Variants in GRB10 observed in about 807,000 individuals in gnomAD.
GRB10 encodes growth factor receptor bound protein 10.
Under a neutral mutation model 80.9 loss-of-function variants are expected in GRB10, and 20 were observed. The ratio of observed to expected loss-of-function variants is 0.25; its 90% CI spans 0.17 to 0.36. GRB10 has a LOEUF of 0.36. Among genes scored for constraint, GRB10 ranks in the 10% least tolerant of loss-of-function variants. The pLI is 1.00. For synonymous variants in GRB10, 291 were observed against 291.5 expected (o/e 1.00, Z 0.02); for missense variants, 548 against 747.7 (o/e 0.73, Z 3.12).
intron 18 of GRB10, 63 bp from the exon 19 acceptor site, chr7:50,593,161 C>A (rs967671837): frequency 8.2e-6 from 13 of 1,583,740 alleles, no homozygotes; most frequent in Admixed American, 6.7e-5. Context: ...AGAACGGGGC[C>A]CACGGCCAGC....
At chr7:50,643,570 AAACCTGAACGAGGTCTGT>A (rs1399211952) in intron 7 of GRB10, among the ~76,000 whole-genome samples, 1 of 152,246 alleles carries the variant, frequency 6.6e-6, no homozygotes, top group Non-Finnish European at 1.5e-5. Context: ...ACAATCGGGG[AAACCTGAACGAGGTCTGT>A]AGATTTCAAC....
chr7:50,670,993 A>AAC (rs373067965), intron 6 of GRB10, among the ~76,000 whole-genome samples: 75 of 152,296 alleles, frequency 4.9e-4, no homozygotes, highest in South Asian at 2.5e-3. Context: ...ACAACTATGC[A>AAC]ACACACACAC....
At chr7:50,687,595 C>T (rs954939464) in intron 5 of GRB10, among the ~76,000 whole-genome samples, 3 of 152,302 alleles carry the variant, frequency 2.0e-5, no homozygotes, top group Non-Finnish European at 2.9e-5. Flanking sequence ...CATGCATCTG[C>T]GGATCCTGCC....
At chr7:50,660,148 A>T (rs1445651965) in intron 7 of GRB10, among the ~76,000 whole-genome samples, 1 of 152,104 alleles carries the variant, frequency 6.6e-6, no homozygotes, top group African/African-American at 2.4e-5. Context: ...GTAAAGGGGC[A>T]TGGGGGCACA....
At chr7:50,665,879 C>T (rs12538241) in intron 7 of GRB10, among the ~76,000 whole-genome samples, 1 of 152,192 alleles carries the variant, frequency 6.6e-6, no homozygotes, top group African/African-American at 2.4e-5. Context: ...ACGTCTCCCC[C>T]ACAGCTGGAG....
intron 2 of GRB10, among the ~76,000 whole-genome samples, chr7:50,767,434 C>T (rs537847513): frequency 6.6e-5 from 10 of 152,266 alleles, no homozygotes; most frequent in South Asian, 4.1e-4. Context: ...CATCCTGGTA[C>T]GGCCTCTTGT....
At chr7:50,671,277 C>T (rs2060324868) in intron 6 of GRB10, among the ~76,000 whole-genome samples, 2 of 152,194 alleles carry the variant, frequency 1.3e-5, no homozygotes, top group Admixed American at 1.3e-4. Context: ...AAACCCCCAT[C>T]ATAGGCTGTG....
chr7:50,612,947 T>G (rs1032389927), intron 12 of GRB10, 108 bp from the exon 13 acceptor site: 2 of 746,782 alleles, frequency 2.7e-6, no homozygotes, highest in East Asian at 5.3e-5. Context: ...CAGCTGGAGA[T>G]CCCCCTAGCA....
intron 7 of GRB10, among the ~76,000 whole-genome samples, chr7:50,654,358 TC>T (rs2153621503): frequency 6.6e-6 from 1 of 152,276 alleles, no homozygotes; most frequent in South Asian, 2.1e-4. Flanking sequence ...ATAAATATTC[TC>T]CTGCCTTCAG....
chr7:50,694,411 G>A (rs1563476775), intron 5 of GRB10, among the ~76,000 whole-genome samples: 1 of 152,200 alleles, frequency 6.6e-6, no homozygotes, highest in South Asian at 2.1e-4. Flanking sequence ...GGCTAGGGTC[G>A]ATTTGTGACG....
chr7:50,730,612 T>C (rs2069523076), intron 4 of GRB10, among the ~76,000 whole-genome samples: 1 of 152,222 alleles, frequency 6.6e-6, no homozygotes, highest in African/African-American at 2.4e-5. Context: ...CCTCAAAGCA[T>C]GACAGCACAT....
At chr7:50,663,883 C>T (rs900107157) in intron 7 of GRB10, among the ~76,000 whole-genome samples, 43 of 152,214 alleles carry the variant, frequency 2.8e-4, no homozygotes, top group African/African-American at 9.2e-4. Context: ...ATGCCACAGC[C>T]GAAACCAGCA....
At chr7:50,651,372 C>A (rs989664308) in intron 7 of GRB10, among the ~76,000 whole-genome samples, 33 of 152,296 alleles carry the variant, frequency 2.2e-4, no homozygotes, top group African/African-American at 7.9e-4. Context: ...CTTTGTCATT[C>A]CTTGGCTTAC....
intron 12 of GRB10, 55 bp downstream of exon 12, chr7:50,614,715 C>A: frequency 3.8e-6 from 4 of 1,058,818 alleles, no homozygotes; most frequent in South Asian, 3.7e-5. Flanking sequence ...GAGAAGAAGT[C>A]AGTCTCCTGT....
intron 5 of GRB10, among the ~76,000 whole-genome samples, chr7:50,699,777 G>A (rs1314388496): frequency 6.6e-6 from 1 of 152,042 alleles, no homozygotes; most frequent in Non-Finnish European, 1.5e-5. Context: ...TGGAGATCTC[G>A]TCCTCTGTGT....
intron 4 of GRB10, among the ~76,000 whole-genome samples, chr7:50,716,645 C>T (rs1325355239): frequency 6.6e-6 from 1 of 152,102 alleles, no homozygotes; most frequent in Non-Finnish European, 1.5e-5. Context: ...TGACCAAATC[C>T]AACCCTACAG....
intron 5 of GRB10, among the ~76,000 whole-genome samples, chr7:50,693,750 G>A (rs761526641): frequency 5.3e-5 from 8 of 152,076 alleles, no homozygotes; most frequent in Non-Finnish European, 1.0e-4. Flanking sequence ...GCAGGCATGG[G>A]ATTGGGGCGC....
At chr7:50,650,115 C>T (rs980732619) in intron 7 of GRB10, among the ~76,000 whole-genome samples, 1 of 152,096 alleles carries the variant, frequency 6.6e-6, no homozygotes, top group Non-Finnish European at 1.5e-5. Context: ...GAGCAGGAGA[C>T]AGCGAAGGGA....
intron 1 of GRB10, among the ~76,000 whole-genome samples, chr7:50,789,434 G>T (rs566786100): frequency 5.3e-5 from 8 of 152,306 alleles, no homozygotes; most frequent in African/African-American, 1.7e-4. Context: ...ACACGCCTAT[G>T]GCTTCCATTT....
Sources: allele counts gnomAD v4.1 joint callset (sites outside exome capture counted in the v4.1 genomes callset), GRCh38; gene constraint gnomAD v4.1.1; transcripts MANE v1.5; gene names NCBI Gene and HGNC (gene_info 2026-07-23, HGNC 2026-07-21).